PCDHGA11: variants seen among roughly 807,000 people sequenced by gnomAD.
PCDHGA11 encodes the protein protocadherin gamma-A11.
PCDHGA11 carries 39 observed loss-of-function variants against 60.4 expected under a neutral mutation model. The observed-to-expected ratio is 0.65, with a 90% CI of 0.50 to 0.84. PCDHGA11 has a LOEUF of 0.84. Ranked by LOEUF, PCDHGA11 falls within the 40% of genes least tolerant of loss-of-function variation. The pLI, the probability that PCDHGA11 is intolerant of heterozygous loss-of-function variation, is 0.00. For synonymous variants in PCDHGA11, 533 were observed against 510.3 expected, an observed-to-expected ratio of 1.04 and a Z score of -0.60; for missense variants, 1,165 against 1,197.7, an observed-to-expected ratio of 0.97 and a Z score of 0.40.
chr5:141,492,220 C>T (rs1388948434), intron 1 of PCDHGA11, among the ~76,000 whole-genome samples: 2 of 152,190 alleles, frequency 1.3e-5, no homozygotes, highest in Non-Finnish European at 1.5e-5. Context: ...GGGGCTCATG[C>T]GTGTCCTCCC....
At chr5:141,456,204 C>A (rs867187371) in intron 1 of PCDHGA11, among the ~76,000 whole-genome samples, 17 of 152,222 alleles carry the variant, frequency 1.1e-4, no homozygotes, top group South Asian at 2.1e-4. Context: ...CTACCACATT[C>A]CTCCCTGTGG....
At chr5:141,452,016 A>G (rs988436326) in intron 1 of PCDHGA11, among the ~76,000 whole-genome samples, 5 of 152,084 alleles carry the variant, frequency 3.3e-5, no homozygotes, top group Non-Finnish European at 5.9e-5. Flanking sequence ...TCCAGCCCAC[A>G]CTCTGGGGAG....
rs769461165 is a variant in PCDHGA11, at chr5:141,491,293, C to G, written c.2434-3514C>G. 2 of 1,614,048 alleles carry G rather than the reference C, an allele frequency of 1.2e-6. No individual in the cohort carries two copies. Among genetic ancestry groups the G allele is most frequent in the Admixed American group, 3.3e-5 (2 of 60,008 alleles). ...ATCCAGTGACTTCCTCATACACCCT[C>G]CTGAGCGTTCAGACCTTACCCTTTA... On this transcript the variant is annotated intron_variant, in intron 1 of 3. Coordinates refer to ENST00000398587, the MANE Select transcript of PCDHGA11 (RefSeq NM_018914.3). This position sits in a 1 kb window ranked among gnomAD's most constrained non-coding sequence, Gnocchi z 6.9.
Position 141,476,990 on chromosome 5 carries a change from C to T in PCDHGA11, c.2434-17817C>T, listed in dbSNP as rs2099402882. ...CGGCAGCCACAACCGCGCCGGCGTGCGGCAACTATTCGCCTTAGACCTTGT... is the reference window on the plus strand; with the variant it reads ...CGGCAGCCACAACCGCGCCGGCGTGTGGCAACTATTCGCCTTAGACCTTGT... On this transcript the variant is annotated intron_variant, in intron 1 of 3. Coordinates refer to ENST00000398587, the MANE Select transcript of PCDHGA11 (RefSeq NM_018914.3). The surrounding 1 kb of genome is among the most constrained non-coding windows in gnomAD (Gnocchi z 7.6). 6.2e-7 allele frequency: 1 copy of T among 1,614,220 alleles called. No individual in the cohort carries two copies. The highest frequency in any genetic ancestry group is 8.5e-7 in the Non-Finnish European group (1 of 1,180,046).
At position 141,471,055 on chromosome 5, in the gene PCDHGA11, T is replaced by C. The variant is rs1229791864; in HGVS notation, c.2434-23752T>C. Reference sequence around the variant, plus strand: ...AACAAGCCCAAGCCCTCTTTTTTTTTTTTTTTTTTTTGAGACAGGGTCTCC... The same window carrying C: ...AACAAGCCCAAGCCCTCTTTTTTTTCTTTTTTTTTTTGAGACAGGGTCTCC... On this transcript the variant is annotated intron_variant, in intron 1 of 3. Coordinates refer to ENST00000398587, the MANE Select transcript of PCDHGA11 (RefSeq NM_018914.3). Among the ~76,000 whole-genome samples the C allele has an allele frequency of 1.7e-4, 25 of 148,764 alleles. 2 individuals are homozygous for C. The Admixed American group carries it at 1.7e-3, about 10-fold the overall frequency.
chr5:141,472,954 C>A (rs2099305799), intron 1 of PCDHGA11, among the ~76,000 whole-genome samples: 1 of 143,370 alleles, frequency 7.0e-6, no homozygotes, highest in Admixed American at 7.3e-5. Flanking sequence ...CCATTGCACT[C>A]CAGCCTGGGG....
Position 141,431,655 on chromosome 5 carries a change from G to A in PCDHGA11, c.2433+7995G>A, listed in dbSNP as rs199998405. On this transcript the variant is annotated intron_variant, in intron 1 of 3. Transcript: ENST00000398587. This position sits in a 1 kb window ranked among gnomAD's most constrained non-coding sequence, Gnocchi z 4.8. Reference sequence around the variant, plus strand: ...GTTTTCAAACTAGATTGTAATTCAGGGACAATATCAACAATAGGGGAGTTG... The same window carrying A: ...GTTTTCAAACTAGATTGTAATTCAGAGACAATATCAACAATAGGGGAGTTG... 52 of 1,614,208 alleles carry A rather than the reference G, an allele frequency of 3.2e-5. No individual in the cohort carries two copies. The highest frequency in any genetic ancestry group is 3.3e-4 in the Middle Eastern group (2 of 6,062).
intron 1 of PCDHGA11, among the ~76,000 whole-genome samples, chr5:141,462,550 A>G (rs1485478117): frequency 6.6e-6 from 1 of 151,942 alleles, no homozygotes; most frequent in East Asian, 1.9e-4. Flanking sequence ...TTTCTTCTTC[A>G]GTGTTTACTG....
chr5:141,439,131 T>A (rs2098090046), intron 1 of PCDHGA11, among the ~76,000 whole-genome samples: 1 of 150,502 alleles, frequency 6.6e-6, no homozygotes, highest in Non-Finnish European at 1.5e-5. Flanking sequence ...AGACAGAGGT[T>A]GCAGTGAGCT....
intron 1 of PCDHGA11, among the ~76,000 whole-genome samples, chr5:141,456,690 C>T (rs893478646): frequency 7.2e-5 from 11 of 152,218 alleles, no homozygotes; most frequent in Admixed American, 5.2e-4. Flanking sequence ...ACTGGCCAGG[C>T]GTGGTGGCTC....
rs777856819 is a variant in PCDHGA11, at chr5:141,487,572, T to A, written c.2434-7235T>A. On this transcript the variant is annotated intron_variant, in intron 1 of 3. Coordinates refer to ENST00000398587, the MANE Select transcript of PCDHGA11 (RefSeq NM_018914.3). The surrounding 1 kb of genome is among the most constrained non-coding windows in gnomAD (Gnocchi z 5.0). ...AGTGCACCTATGGCAGGGGAGCCTG[T>A]TCGCCCAAGCTGCCCACCCTCTGAT... 1 of 1,614,168 alleles carries A rather than the reference T, an allele frequency of 6.2e-7. No individual in the cohort carries two copies. Among genetic ancestry groups the A allele is most frequent in the Non-Finnish European group, 8.5e-7 (1 of 1,180,034 alleles).
intron 1 of PCDHGA11, among the ~76,000 whole-genome samples, chr5:141,437,781 A>G (rs957126405): frequency 7.3e-5 from 11 of 149,878 alleles, no homozygotes; most frequent in Admixed American, 6.7e-5. Flanking sequence ...ATCTGTCGCC[A>G]AGCTGGAGTG....
At chr5:141,494,708 C>T (rs1481947557) in intron 1 of PCDHGA11, 99 bp from the exon 2 acceptor site, 2 of 1,599,566 alleles carry the variant, frequency 1.3e-6, no homozygotes, top group Non-Finnish European at 1.7e-6. Flanking sequence ...CTTCTCTGTG[C>T]CCACTCCCCT....
chr5:141,505,072 G>A (rs1374916789), intron 2 of PCDHGA11, among the ~76,000 whole-genome samples: 1 of 152,228 alleles, frequency 6.6e-6, no homozygotes. Context: ...TGAGGCAGGA[G>A]AATCGCTTGA....
chr5:141,488,748 T>C (rs2099679003), intron 1 of PCDHGA11, among the ~76,000 whole-genome samples: 1 of 152,270 alleles, frequency 6.6e-6, no homozygotes, highest in African/African-American at 2.4e-5. Flanking sequence ...ATGCAGGAAG[T>C]TGCTGGGACA....
chr5:141,460,833 T>G (rs541553903), intron 1 of PCDHGA11, among the ~76,000 whole-genome samples: 2 of 151,928 alleles, frequency 1.3e-5, no homozygotes, highest in African/African-American at 4.8e-5. Flanking sequence ...ACACTTAAAG[T>G]AATGGCCTCC....
intron 1 of PCDHGA11, chr5:141,442,016 C>CCA (rs1561906409): frequency 4.6e-6 from 1 of 219,336 alleles, no homozygotes; most frequent in African/African-American, 2.4e-5. Context: ...GCACGATGGG[C>CCA]CACAGGAAAG....
Position 141,490,400 on chromosome 5 carries a change from T to A in PCDHGA11, c.2434-4407T>A. On this transcript the variant is annotated intron_variant, in intron 1 of 3. Coordinates refer to ENST00000398587, the MANE Select transcript of PCDHGA11 (RefSeq NM_018914.3). This position sits in a 1 kb window ranked among gnomAD's most constrained non-coding sequence, Gnocchi z 5.4. ...TCAGGTAGAAATGGTGAAGTGAGCC[T>A]TGATATCTCTCCGGACCTGCCATTT... The A allele has an allele frequency of 6.2e-7, 1 of 1,614,202 alleles. No homozygotes were observed. Among genetic ancestry groups the A allele is most frequent in the Non-Finnish European group, 8.5e-7 (1 of 1,180,032 alleles).
At position 141,477,855 on chromosome 5, in the gene PCDHGA11, T is replaced by C; in HGVS notation, c.2434-16952T>C. The C allele has an allele frequency of 1.2e-6, 2 of 1,613,698 alleles. No individual in the cohort carries two copies. The highest frequency in any genetic ancestry group is 1.7e-6 in the Non-Finnish European group (2 of 1,179,882). On this transcript the variant is annotated intron_variant, in intron 1 of 3. Coordinates refer to ENST00000398587, the MANE Select transcript of PCDHGA11 (RefSeq NM_018914.3). The surrounding 1 kb of genome is among the most constrained non-coding windows in gnomAD (Gnocchi z 4.9). ...CCAGGTGGGAGCTCGGTGGAGATGC[T>C]GCCTCGAGGTACCTCAGCTGGCCAC...
Sources: gnomAD v4.1 joint callset for allele counts (sites outside exome capture counted in the v4.1 genomes callset) on GRCh38, gnomAD v4.1.1 for gene constraint, Gnocchi (gnomAD v3.1) non-coding constraint, MANE v1.5 for transcripts, NCBI Gene and HGNC (gene_info 2026-07-23, HGNC 2026-07-21) for gene names.